KANK1: variants seen among roughly 807,000 people sequenced by gnomAD.
The protein encoded by KANK1 is KN motif and ankyrin repeat domain-containing protein 1.
A neutral mutation model predicts 106.2 loss-of-function variants in KANK1; 109 were observed. That is an observed-to-expected ratio of 1.03 (90% CI 0.88 to 1.20). The LOEUF is 1.20. KANK1 is among the 50% of genes most tolerant of loss of function. The pLI, the probability that KANK1 is intolerant of heterozygous loss-of-function variation, is 0.00. For synonymous variants in KANK1, 873 were observed against 652.2 expected (o/e 1.34, Z -5.16); for missense variants, 2,399 against 1,710.7 (o/e 1.40, Z -7.10).
intron 1 of KANK1, among the ~76,000 whole-genome samples, chr9:641,127 T>C (rs563146826): frequency 1.8e-4 from 27 of 152,310 alleles, no homozygotes; most frequent in African/African-American, 5.8e-4. Context: ...ACCAGTGATA[T>C]ACTTCAAGCC....
At chr9:581,938 A>G (rs780508452) in intron 1 of KANK1, among the ~76,000 whole-genome samples, 8 of 152,146 alleles carry the variant, frequency 5.3e-5, no homozygotes, top group Non-Finnish European at 1.2e-4. Context: ...TTCACTTCCA[A>G]GATCTCCCTT....
chr9:619,574 A>C (rs933604305), intron 1 of KANK1, among the ~76,000 whole-genome samples: 1 of 152,158 alleles, frequency 6.6e-6, no homozygotes, highest in African/African-American at 2.4e-5. Flanking sequence ...TAATGATAAT[A>C]GCTCTTCAGC....
At chr9:580,539 C>T (rs571990777) in intron 1 of KANK1, among the ~76,000 whole-genome samples, 11 of 152,176 alleles carry the variant, frequency 7.2e-5, no homozygotes, top group East Asian at 1.9e-4. Context: ...CTGAGCTAGA[C>T]GCAAAAGTTC....
chr9:740,887 G>T lies in KANK1; in HGVS notation c.3649G>T (p.Val1217Leu), dbSNP rs1178219183. The stretch of plus-strand genomic sequence containing the variant: ...GGAAGCAGAGAAGGACATGCGGATT[G>T]TGGAAGAACTCTTCGGCTGTGGGGA... Reference protein sequence around the residue: ...AVEAEKDMRIVEELFGCGDVN... With the variant: ...AVEAEKDMRILEELFGCGDVN... The change falls in exon 9 of 12, where the codon GTG becomes TTG. Residue 1217 changes from valine to leucine, a missense_variant. Coordinates refer to ENST00000382297, the MANE Select transcript of KANK1 (RefSeq NM_015158.5). 2 of 1,614,168 alleles carry T rather than the reference G, an allele frequency of 1.2e-6. No homozygotes were observed. Among genetic ancestry groups the T allele is most frequent in the South Asian group, 2.2e-5 (2 of 91,086 alleles).
intron 1 of KANK1, among the ~76,000 whole-genome samples, chr9:527,798 T>A (rs9299008): frequency 0.39 from 58,333 of 149,644 alleles, 13,132 homozygotes; most frequent in African/African-American, 0.6. Context: ...ATTGTTCCCT[T>A]AAGTTCCAGC....
intron 3 of KANK1, among the ~76,000 whole-genome samples, chr9:485,263 C>T (rs76380706): frequency 6.6e-6 from 1 of 152,150 alleles, no homozygotes; most frequent in East Asian, 1.9e-4. Flanking sequence ...GGCATGTGAA[C>T]CCCTCAGAGT....
In KANK1 at chr9:676,121, C is replaced by G. The variant is rs141006609; in HGVS notation, c.-83-769C>G. ...GTTTTGGACGGCTTCTTTACCACAA[C>G]CTGTTTTATCAGCAAGGTCTTTGTG... On this transcript the variant is annotated intron_variant, in intron 1 of 11. Coordinates refer to ENST00000382297, the MANE Select transcript of KANK1 (RefSeq NM_015158.5). Among the ~76,000 whole-genome samples, 315 of 152,262 alleles carry G rather than the reference C, an allele frequency of 2.1e-3. 4 individuals carry two copies. The highest frequency in any genetic ancestry group is 7.1e-3 in the African/African-American group (296 of 41,546).
At chr9:646,276 C>G (rs1209173943) in intron 1 of KANK1, among the ~76,000 whole-genome samples, 6 of 150,714 alleles carry the variant, frequency 4.0e-5, no homozygotes, top group Admixed American at 3.3e-4. Flanking sequence ...GCTAGAGGAT[C>G]ACTTGAGGCC....
At chr9:495,591 T>A (rs1180608948) in intron 3 of KANK1, 1 of 152,154 alleles carries the variant, frequency 6.6e-6, no homozygotes, top group Non-Finnish European at 1.5e-5. Context: ...GAGCATTGAA[T>A]ATAACTAACT....
At chr9:603,383 T>A (rs1406342518) in intron 1 of KANK1, among the ~76,000 whole-genome samples, 1 of 151,852 alleles carries the variant, frequency 6.6e-6, no homozygotes, top group Non-Finnish European at 1.5e-5. Context: ...GTAGCTTTGA[T>A]AGCTAATCAT....
intron 1 of KANK1, among the ~76,000 whole-genome samples, chr9:539,918 T>C (rs1165986656): frequency 6.6e-6 from 1 of 152,248 alleles, no homozygotes; most frequent in Non-Finnish European, 1.5e-5. Flanking sequence ...TTCACTGAGT[T>C]TATTCTAACA....
chr9:504,277 G>A (rs2058626218), upstream of KANK1, among the ~76,000 whole-genome samples: 2 of 152,148 alleles, frequency 1.3e-5, no homozygotes, highest in African/African-American at 2.4e-5. Context: ...GTAAATACGG[G>A]TTGGCAGAAG....
At chr9:677,354 G>C (rs1816611236) in intron 2 of KANK1, among the ~76,000 whole-genome samples, 1 of 152,124 alleles carries the variant, frequency 6.6e-6, no homozygotes, top group Non-Finnish European at 1.5e-5. Flanking sequence ...AATTAGTTTG[G>C]ATGCTTAAAA....
rs11789987 is a variant in KANK1 at position 712,599 on chromosome 9, C to T, written c.1833C>T (p.Asn611=). 0.37 allele frequency: 604,479 copies of T among 1,613,690 alleles called. 119,809 individuals carry two copies. The highest frequency in any genetic ancestry group is 0.47 in the South Asian group (42,745 of 91,060). The change falls in exon 3 of 12, where the codon AAC becomes AAT. Residue 611 remains asparagine, a synonymous_variant. Coordinates refer to ENST00000382297, the MANE Select transcript of KANK1 (RefSeq NM_015158.5). ...GCAGCAACACAGAGGAGTCTGTGAACGACCTCACACTCCTCAAGACAAACT... is the reference window on the plus strand; with the variant it reads ...GCAGCAACACAGAGGAGTCTGTGAATGACCTCACACTCCTCAAGACAAACT... ...ETGSNTEESV[N]DLTLLKTNLN...
intron 1 of KANK1, among the ~76,000 whole-genome samples, chr9:582,651 A>T (rs62531535): frequency 6.6e-6 from 1 of 151,998 alleles, no homozygotes; most frequent in Non-Finnish European, 1.5e-5. Context: ...TGGGAGAACT[A>T]TGATTAAATA....
intron 3 of KANK1, among the ~76,000 whole-genome samples, chr9:486,010 AG>A (rs2132235985): frequency 6.6e-6 from 1 of 152,278 alleles, no homozygotes; most frequent in East Asian, 1.9e-4. Flanking sequence ...TGAGCTGAGA[AG>A]TTTCCCGTTG....
intron 3 of KANK1, among the ~76,000 whole-genome samples, chr9:724,242 A>G (rs1184775950): frequency 6.6e-6 from 1 of 152,152 alleles, no homozygotes; most frequent in African/African-American, 2.4e-5. Flanking sequence ...TGAAATATTT[A>G]TGGATGAAAA....
intron 3 of KANK1, among the ~76,000 whole-genome samples, chr9:727,954 GGGAA>G (rs1406427044): frequency 6.6e-6 from 1 of 151,994 alleles, no homozygotes; most frequent in East Asian, 1.9e-4. Flanking sequence ...AGGCCATGAT[GGGAA>G]GGAAGTGTCA....
At chr9:578,083 A>G (rs1821066588) in intron 1 of KANK1, among the ~76,000 whole-genome samples, 1 of 152,160 alleles carries the variant, frequency 6.6e-6, no homozygotes, top group Non-Finnish European at 1.5e-5. Context: ...GAAGAGAAGA[A>G]CACCAGAGGA....
Sources: allele counts gnomAD v4.1 joint callset (sites outside exome capture counted in the v4.1 genomes callset), GRCh38; gene constraint gnomAD v4.1.1; transcripts MANE v1.5; gene names NCBI Gene and HGNC (gene_info 2026-07-23, HGNC 2026-07-21).